PLCG2: variants seen among roughly 807,000 people sequenced by gnomAD.
The protein encoded by PLCG2 is phospholipase C gamma 2, also known as 1-phosphatidylinositol 4,5-bisphosphate phosphodiesterase gamma-2.
Under a neutral mutation model 175.6 loss-of-function variants are expected in PLCG2, and 69 were observed. The observed-to-expected ratio is 0.39, with a 90% CI of 0.32 to 0.48. PLCG2 has a LOEUF of 0.48. PLCG2 is among the 20% of genes least tolerant of loss of function. The pLI, the probability that PLCG2 is intolerant of heterozygous loss-of-function variation, is 0.91. For missense variants in PLCG2, 1,798 were observed against 1,650.9 expected (o/e 1.09, Z -1.54); for synonymous variants, 827 against 624.0 (o/e 1.33, Z -4.85).
chr16:81,892,336 T>C (rs1189060905), intron 11 of PLCG2, among the ~76,000 whole-genome samples: 3 of 152,166 alleles, frequency 2.0e-5, no homozygotes, highest in Non-Finnish European at 4.4e-5. Flanking sequence ...GTTACTCTGA[T>C]TGCAACAGAA....
At chr16:81,950,989 A>C (rs1218711469) in intron 31 of PLCG2, among the ~76,000 whole-genome samples, 1 of 152,142 alleles carries the variant, frequency 6.6e-6, no homozygotes, top group Non-Finnish European at 1.5e-5. Flanking sequence ...TTTATCAAAA[A>C]GGCCAAATTT....
At chr16:81,864,175 G>A (rs1274844817) in intron 5 of PLCG2, among the ~76,000 whole-genome samples, 1 of 152,150 alleles carries the variant, frequency 6.6e-6, no homozygotes, top group East Asian at 1.9e-4. Flanking sequence ...ATCTCACAGT[G>A]GCTGATTGAG....
intron 11 of PLCG2, among the ~76,000 whole-genome samples, chr16:81,892,133 C>G (rs901473654): frequency 6.6e-6 from 1 of 152,184 alleles, no homozygotes; most frequent in East Asian, 1.9e-4. Context: ...CAGCATGTGC[C>G]AAGGCCCTGG....
intron 27 of PLCG2, 59 bp downstream of exon 27, chr16:81,936,437 G>A (rs1158368656): frequency 1.4e-6 from 2 of 1,402,858 alleles, no homozygotes; most frequent in Non-Finnish European, 2.0e-6. Flanking sequence ...GTCACTCCAG[G>A]CCGAGTCACC....
rs371723456 is a variant in PLCG2 at position 81,858,252 on chromosome 16, C to T, written c.338-11C>T. The T allele has an allele frequency of 2.0e-5, 31 of 1,589,492 alleles. No individual in the cohort carries two copies. The South Asian group carries it at 3.4e-4, about 18-fold the overall frequency. On this transcript the variant is annotated splice_polypyrimidine_tract_variant and intron_variant, in intron 3 of 32. Transcript: ENST00000564138. ...TTAACACAGCATTTCTGTTCCCTTT[C>T]TCCACTCCAGCTGACTCTAAAGAGG...
At chr16:81,902,870 C>T (rs1216397911) in intron 14 of PLCG2, among the ~76,000 whole-genome samples, 2 of 152,142 alleles carry the variant, frequency 1.3e-5, no homozygotes, top group Non-Finnish European at 2.9e-5. Flanking sequence ...TGGTGGCAGG[C>T]AAGAGAGCTT....
chr16:81,953,573 C>G (rs536290635), intron 31 of PLCG2, among the ~76,000 whole-genome samples: 3 of 152,016 alleles, frequency 2.0e-5, no homozygotes, highest in African/African-American at 7.2e-5. Context: ...AACTTATTAC[C>G]AAAAGCTTCA....
chr16:81,854,511 A>T lies in PLCG2; in HGVS notation c.261A>T (p.Ala87=). Reference sequence around the variant, plus strand: ...CCAAAGATTTCGAGCGAGCAAAAGCAGTTCGCCAGAAAGAAGACTGCTGCT... The same window carrying T: ...CCAAAGATTTCGAGCGAGCAAAAGCTGTTCGCCAGAAAGAAGACTGCTGCT... The part of the protein sequence containing the change: ...KNSKDFERAK[A]VRQKEDCCFT... Residue 87 remains alanine, a synonymous_variant, in exon 3 of 33, where the codon GCA becomes GCT. Transcript: ENST00000564138. 2 of 1,613,966 alleles carry T rather than the reference A, an allele frequency of 1.2e-6. No homozygotes were observed. Among genetic ancestry groups the T allele is most frequent in the Middle Eastern group, 1.6e-4 (1 of 6,062 alleles).
chr16:81,784,056 C>G (rs151085235), intron 1 of PLCG2, among the ~76,000 whole-genome samples: 11 of 152,288 alleles, frequency 7.2e-5, no homozygotes, highest in African/African-American at 2.6e-4. Flanking sequence ...TCTGCTGCTG[C>G]ACTTGTAACT....
intron 24 of PLCG2, among the ~76,000 whole-genome samples, chr16:81,930,765 C>T (rs1391802973): frequency 8.2e-6 from 1 of 122,698 alleles, no homozygotes; most frequent in Non-Finnish European, 1.8e-5. Flanking sequence ...AAAAAAAAAG[C>T]CATTTAAATT....
At chr16:81,882,768 TG>T (rs1412672656) in intron 8 of PLCG2, among the ~76,000 whole-genome samples, 1 of 152,026 alleles carries the variant, frequency 6.6e-6, no homozygotes, top group Non-Finnish European at 1.5e-5. Context: ...CACCTCATTC[TG>T]GCTCACCCCA....
chr16:81,744,493 T>G (rs1909665448), intron 1 of PLCG2, among the ~76,000 whole-genome samples: 1 of 152,110 alleles, frequency 6.6e-6, no homozygotes. Context: ...TAAAACAGAT[T>G]GAGGTGACTT....
intron 2 of PLCG2, among the ~76,000 whole-genome samples, chr16:81,818,050 C>T (rs1346605448): frequency 2.6e-5 from 4 of 152,160 alleles, no homozygotes; most frequent in Non-Finnish European, 5.9e-5. Context: ...GGCCTGGGCT[C>T]GGTCACTTCC....
chr16:81,854,431 A>T lies in PLCG2; in HGVS notation c.194-13A>T. 2.5e-6 allele frequency: 4 copies of T among 1,613,050 alleles called. No homozygotes were observed. The highest frequency in any genetic ancestry group is 3.4e-6 in the Non-Finnish European group (4 of 1,179,110). ...CTCCAGCTTCTAATTGGCTCATGTTAATTTCATTTTAGTGGATATCATGGA... is the reference window on the plus strand; with the variant it reads ...CTCCAGCTTCTAATTGGCTCATGTTTATTTCATTTTAGTGGATATCATGGA... On this transcript the variant is annotated splice_polypyrimidine_tract_variant and intron_variant, in intron 2 of 32. Transcript: ENST00000564138.
chr16:81,858,139 T>C (rs1354850372), intron 3 of PLCG2, 124 bp from the exon 4 acceptor site: 1 of 736,896 alleles, frequency 1.4e-6, no homozygotes, highest in Non-Finnish European at 2.4e-6. Flanking sequence ...TTTCTTTGCC[T>C]TCTGCAAAAC....
chr16:81,883,216 C>A, intron 8 of PLCG2, 53 bp from the exon 9 acceptor site: 2 of 1,527,832 alleles, frequency 1.3e-6, no homozygotes, highest in Non-Finnish European at 1.8e-6. Context: ...CTCCTCTCGA[C>A]TCCTCTGTTG....
chr16:81,902,669 C>G (rs56104329), intron 14 of PLCG2, among the ~76,000 whole-genome samples: 2 of 152,040 alleles, frequency 1.3e-5, no homozygotes, highest in Non-Finnish European at 2.9e-5. Context: ...CCCTCATTCC[C>G]GTTCATGAGG....
intron 7 of PLCG2, among the ~76,000 whole-genome samples, chr16:81,877,732 C>A (rs557910633): frequency 6.6e-6 from 1 of 152,150 alleles, no homozygotes; most frequent in African/African-American, 2.4e-5. Flanking sequence ...CATCACTCCT[C>A]GGCATGTAGG....
chr16:81,773,475 G>C (rs1910327415), intron 2 of PLCG2, among the ~76,000 whole-genome samples: 1 of 152,198 alleles, frequency 6.6e-6, no homozygotes, highest in South Asian at 2.1e-4. Flanking sequence ...AGGGGGGTAA[G>C]AGGCAGAGCT....
Sources: gnomAD v4.1 joint callset for allele counts (sites outside exome capture counted in the v4.1 genomes callset) on GRCh38, gnomAD v4.1.1 for gene constraint, MANE v1.5 for transcripts, NCBI Gene and HGNC (gene_info 2026-07-23, HGNC 2026-07-21) for gene names.